TNRC6B: variants seen among roughly 807,000 people sequenced by gnomAD.
TNRC6B encodes trinucleotide repeat-containing gene 6B protein.
A neutral mutation model predicts 203.6 loss-of-function variants in TNRC6B; 52 were observed. That is an observed-to-expected ratio of 0.26 (90% CI 0.20 to 0.32). The LOEUF is 0.32. Ranked by LOEUF, TNRC6B falls within the 10% of genes least tolerant of loss-of-function variation. The pLI is 1.00. For synonymous variants in TNRC6B, 838 were observed against 845.7 expected (o/e 0.99, Z 0.16); for missense variants, 1,923 against 2,286.2 (o/e 0.84, Z 3.24).
intron 1 of TNRC6B, among the ~76,000 whole-genome samples, chr22:40,210,881 G>A (rs1413542208): frequency 6.6e-6 from 1 of 152,054 alleles, no homozygotes; most frequent in East Asian, 1.9e-4. Context: ...TGCCTTGTAA[G>A]GTGTTTAGCA....
rs1236859667 is a variant in TNRC6B, at chr22:40,328,983, A to T, written c.*5742A>T. On this transcript the variant is annotated 3_prime_UTR_variant, in exon 23 of 23. Coordinates refer to ENST00000454349, the MANE Select transcript of TNRC6B (RefSeq NM_001162501.2). Reference sequence around the variant, plus strand: ...TTTTTGCCAAGTTTTGTCACACTTCATGTGTATGCATTAACTATACTTCTT... The same window carrying T: ...TTTTTGCCAAGTTTTGTCACACTTCTTGTGTATGCATTAACTATACTTCTT... The T allele has an allele frequency of 6.6e-6, 1 of 152,356 alleles. No individual in the cohort carries two copies. The highest frequency in any genetic ancestry group is 1.5e-5 in the Non-Finnish European group (1 of 67,980). 9.4% of individuals were successfully genotyped at this position (152,356 alleles called of 1,614,324 possible). A position where few individuals can be genotyped will look rare whatever the true frequency, so the allele number is the denominator to read the frequency against.
At chr22:40,281,442 A>G (rs1011431662) in intron 11 of TNRC6B, among the ~76,000 whole-genome samples, 153 bp downstream of exon 11, 1 of 152,110 alleles carries the variant, frequency 6.6e-6, no homozygotes, top group Non-Finnish European at 1.5e-5. Flanking sequence ...CTTTCAGCCC[A>G]TAGAACCCAT....
In TNRC6B at chr22:40,199,549, T is replaced by G. The variant is rs114347735; in HGVS notation, c.5+21409T>G. Among the ~76,000 whole-genome samples the G allele has an allele frequency of 4.5e-4, 68 of 152,106 alleles. 1 individual carries two copies. Among genetic ancestry groups the G allele is most frequent in the African/African-American group, 1.6e-3 (68 of 41,502 alleles). ...TAACTGGCCTGTAATCCTCAAAAAT[T>G]TCAGGGTCATGAAAGTCAAAGCAAG... On this transcript the variant is annotated intron_variant, in intron 1 of 22. Coordinates refer to ENST00000454349, the MANE Select transcript of TNRC6B (RefSeq NM_001162501.2).
intron 1 of TNRC6B, among the ~76,000 whole-genome samples, chr22:40,191,605 AG>A (rs2069274419): frequency 6.6e-6 from 1 of 152,200 alleles, no homozygotes; most frequent in Non-Finnish European, 1.5e-5. Context: ...TAAACAAGAC[AG>A]GTTCTCACTC....
chr22:40,128,016 G>A (rs1027966160), intron 3 of TNRC6B, among the ~76,000 whole-genome samples: 2 of 152,182 alleles, frequency 1.3e-5, no homozygotes, highest in African/African-American at 4.8e-5. Context: ...CTTCTTTTTG[G>A]AAAAATAAAT....
At chr22:40,188,581 G>A (rs539494054) in intron 1 of TNRC6B, among the ~76,000 whole-genome samples, 2 of 152,172 alleles carry the variant, frequency 1.3e-5, no homozygotes, top group Non-Finnish European at 2.9e-5. Flanking sequence ...AGGATCCCAG[G>A]GCAGCGAAGC....
intron 1 of TNRC6B, among the ~76,000 whole-genome samples, chr22:40,211,577 T>G (rs1347675053): frequency 6.6e-6 from 1 of 152,162 alleles, no homozygotes; most frequent in East Asian, 1.9e-4. Context: ...CAGCTCACAC[T>G]TTTAAACCCA....
chr22:40,234,128 AT>A (rs1454612141), intron 1 of TNRC6B, among the ~76,000 whole-genome samples: 1 of 152,176 alleles, frequency 6.6e-6, no homozygotes, highest in Non-Finnish European at 1.5e-5. Flanking sequence ...TGTACAAAAA[AT>A]TAAAAAATTA....
In TNRC6B at chr22:40,324,191, C is replaced by G. The variant is rs965919786; in HGVS notation, c.*950C>G. On this transcript the variant is annotated 3_prime_UTR_variant, in exon 23 of 23. Coordinates refer to ENST00000454349, the MANE Select transcript of TNRC6B (RefSeq NM_001162501.2). ...GCAACTTAGCCTGAATGTGGGGTTT[C>G]TCTGGCTGTTCTTTTGACCTAGCAG... 6.6e-6 allele frequency: 1 copy of G among 152,550 alleles called. No homozygotes were observed. Among genetic ancestry groups the G allele is most frequent in the Non-Finnish European group, 1.5e-5 (1 of 68,024 alleles). 9.4% of individuals were successfully genotyped at this position (152,550 alleles called of 1,614,324 possible). A position where few individuals can be genotyped will look rare whatever the true frequency, so the allele number is the denominator to read the frequency against.
At chr22:40,097,880 T>C (rs1186809811) in intron 1 of TNRC6B, among the ~76,000 whole-genome samples, 1 of 152,160 alleles carries the variant, frequency 6.6e-6, no homozygotes, top group Non-Finnish European at 1.5e-5. Context: ...GGTCTCGCTA[T>C]GTTGCCCCAG....
chr22:40,151,055 G>T (rs540554931), intron 3 of TNRC6B, among the ~76,000 whole-genome samples: 1 of 152,298 alleles, frequency 6.6e-6, no homozygotes, highest in East Asian at 1.9e-4. Flanking sequence ...ATGAAAGATG[G>T]TGACCAAAGA....
intron 4 of TNRC6B, among the ~76,000 whole-genome samples, chr22:40,172,438 T>A (rs1210345624): frequency 6.6e-6 from 1 of 152,238 alleles, no homozygotes; most frequent in Non-Finnish European, 1.5e-5. Flanking sequence ...AAATGAAGAT[T>A]AATGTTAGTA....
intron 2 of TNRC6B, among the ~76,000 whole-genome samples, chr22:40,121,030 C>A (rs2068439753): frequency 6.6e-6 from 1 of 152,182 alleles, no homozygotes; most frequent in Admixed American, 6.5e-5. Context: ...TCACCCCTGA[C>A]AGCCTGAGTC....
intron 3 of TNRC6B, among the ~76,000 whole-genome samples, chr22:40,259,440 T>G (rs2146490302): frequency 6.6e-6 from 1 of 152,324 alleles, no homozygotes; most frequent in East Asian, 1.9e-4. Flanking sequence ...GCCAGGATGG[T>G]CTCGATCTCC....
chr22:40,074,639 CGTG>C (rs1445767316), intron 1 of TNRC6B, among the ~76,000 whole-genome samples: 3 of 151,680 alleles, frequency 2.0e-5, no homozygotes, highest in African/African-American at 7.3e-5. Context: ...ATTAGCCAGG[CGTG>C]GTGGTGGGCG....
chr22:40,132,856 A>G (rs1481689366), intron 3 of TNRC6B, among the ~76,000 whole-genome samples: 1 of 145,784 alleles, frequency 6.9e-6, no homozygotes, highest in Non-Finnish European at 1.5e-5. Context: ...AGGCAGGAGA[A>G]TGGCGTGAAC....
chr22:40,174,569 C>A (rs2069037137), upstream of TNRC6B, among the ~76,000 whole-genome samples: 1 of 152,126 alleles, frequency 6.6e-6, no homozygotes, highest in African/African-American at 2.4e-5. Context: ...TTTGAATGTT[C>A]TTGTTTTTAG....
rs115959408 is a variant in TNRC6B, at chr22:40,211,620, G to A, written c.5+33480G>A. Among the ~76,000 whole-genome samples, 299 of 152,250 alleles carry A rather than the reference G, an allele frequency of 2.0e-3. 1 individual carries two copies. The highest frequency in any genetic ancestry group is 7.0e-3 in the African/African-American group (292 of 41,538). On this transcript the variant is annotated intron_variant, in intron 1 of 22. Transcript: ENST00000454349. ...TCTTAGAGGCCTAAGTTACTAGGAAGCCTCGGACTCCTCCCTTCTCTATAT... is the reference window on the plus strand; with the variant it reads ...TCTTAGAGGCCTAAGTTACTAGGAAACCTCGGACTCCTCCCTTCTCTATAT...
At chr22:40,069,687 A>C (rs376204498) in intron 1 of TNRC6B, among the ~76,000 whole-genome samples, 1 of 151,794 alleles carries the variant, frequency 6.6e-6, no homozygotes, top group Admixed American at 6.6e-5. Context: ...GGGTTTCTCC[A>C]TGTTGGTCAG....
Sources: gnomAD v4.1 joint callset for allele counts (sites outside exome capture counted in the v4.1 genomes callset) on GRCh38, gnomAD v4.1.1 for gene constraint, MANE v1.5 for transcripts, NCBI Gene and HGNC (gene_info 2026-07-23, HGNC 2026-07-21) for gene names.